DPY19L3: variants seen among roughly 807,000 people sequenced by gnomAD.
The protein encoded by DPY19L3 is dpy-19 like C-mannosyltransferase 3, also known as protein C-mannosyl-transferase DPY19L3.
A neutral mutation model predicts 92.3 loss-of-function variants in DPY19L3; 51 were observed. That is an observed-to-expected ratio of 0.55 (90% CI 0.44 to 0.70). The LOEUF (loss-of-function observed/expected upper bound fraction) is 0.70, where lower values mean the gene tolerates loss of function less well. Among genes scored for constraint, DPY19L3 ranks in the 30% least tolerant of loss-of-function variants. The probability of loss-of-function intolerance (pLI) is 0.00; values close to 1 mark genes in which losing one functional copy is unlikely to be tolerated. For missense variants in DPY19L3, 706 were observed against 855.9 expected, an observed-to-expected ratio of 0.82 and a Z score of 2.18; for synonymous variants, 309 against 315.2, an observed-to-expected ratio of 0.98 and a Z score of 0.21.
chr19:32,438,992 C>A (rs766989640), intron 6 of DPY19L3, 120 bp from the exon 7 acceptor site: 20 of 1,014,936 alleles, frequency 2.0e-5, no homozygotes, highest in Non-Finnish European at 2.8e-5. Flanking sequence ...TTATTGAGAA[C>A]CAGTGGCCAG....
In DPY19L3 at chr19:32,477,509, T is replaced by C; in HGVS notation, c.1698-13T>C. ...TTAACAGTGGGGTTAATTCAGACTCTAAAATCTTTCAGCTCTAACACTCCA... is the reference window on the plus strand; with the variant it reads ...TTAACAGTGGGGTTAATTCAGACTCCAAAATCTTTCAGCTCTAACACTCCA... On this transcript the variant is annotated splice_polypyrimidine_tract_variant and intron_variant, in intron 16 of 18. Transcript: ENST00000392250. The C allele has an allele frequency of 6.2e-7, 1 of 1,614,138 alleles. No individual in the cohort carries two copies. Among genetic ancestry groups the C allele is most frequent in the Non-Finnish European group, 8.5e-7 (1 of 1,180,004 alleles).
Position 32,408,198 on chromosome 19 carries a change from C to A in DPY19L3, c.-37-19C>A. 2 of 1,279,288 alleles carry A rather than the reference C, an allele frequency of 1.6e-6. No individual in the cohort carries two copies. Among genetic ancestry groups the A allele is most frequent in the Non-Finnish European group, 2.3e-6 (2 of 887,622 alleles). The allele number at this position is 1,279,288 out of a possible 1,614,324, so 79.2% of individuals were successfully genotyped here. A position where few individuals can be genotyped will look rare whatever the true frequency, so the allele number is the denominator to read the frequency against. The stretch of plus-strand genomic sequence containing the variant: ...GGGGAGAAGGCACTGACGTTGATGG[C>A]CTGTTTATTGCTATCTAGGAGTGAT... On this transcript the variant is annotated intron_variant, in intron 1 of 18. Coordinates refer to ENST00000392250, the MANE Select transcript of DPY19L3 (RefSeq NM_001172774.2).
intron 2 of DPY19L3, 31 bp from the exon 3 acceptor site, chr19:32,411,208 T>G (rs1202998659): frequency 5.7e-6 from 9 of 1,591,042 alleles, no homozygotes; most frequent in Non-Finnish European, 7.7e-6. Context: ...TTTACTGACT[T>G]AGTTATTTAT....
At chr19:32,451,502 G>A (rs1969698466) in intron 8 of DPY19L3, among the ~76,000 whole-genome samples, 1 of 152,194 alleles carries the variant, frequency 6.6e-6, no homozygotes, top group African/African-American at 2.4e-5. Flanking sequence ...ACTGCTGCAA[G>A]CCTCACTTTT....
chr19:32,426,569 ATAT>A (rs1968772293), intron 3 of DPY19L3, among the ~76,000 whole-genome samples: 1 of 152,098 alleles, frequency 6.6e-6, no homozygotes. Flanking sequence ...ATTAATTCCG[ATAT>A]TATTGTGTCT....
In DPY19L3 at chr19:32,476,736, C is replaced by T. The variant is rs796963882; in HGVS notation, c.1698-786C>T. Among the ~76,000 whole-genome samples, 20 of 152,116 alleles carry T rather than the reference C, an allele frequency of 1.3e-4. 1 individual carries two copies. The highest frequency in any genetic ancestry group is 4.3e-4 in the African/African-American group (18 of 41,506). On this transcript the variant is annotated intron_variant, in intron 16 of 18. Transcript: ENST00000392250. ...TTTGTGCCTTAGTATTAGGGTGCCC[C>T]GTGTTCCTTAAACTGCATATAGTTT...
At chr19:32,451,622 A>C (rs578046912) in intron 8 of DPY19L3, among the ~76,000 whole-genome samples, 5 of 152,228 alleles carry the variant, frequency 3.3e-5, no homozygotes, top group Non-Finnish European at 7.3e-5. Context: ...CAGAATGAGT[A>C]TGGCATTGTC....
Position 32,480,453 on chromosome 19 carries a change from T to C in DPY19L3, c.1885T>C (p.Ser629Pro). The change falls in exon 18 of 19, where the codon TCC becomes CCC. Residue 629 changes from serine (S) to proline (P), a missense_variant. Coordinates refer to ENST00000392250, the MANE Select transcript of DPY19L3 (RefSeq NM_001172774.2). ...APEEVHALLR[S>P]FGTDYVILED... ...AGAGGAAGTGCATGCCCTCCTAAGG[T>C]CCTTCGGCACTGACTACGTAATCCT... 1.2e-6 allele frequency: 2 copies of C among 1,614,150 alleles called. No homozygotes were observed. The highest frequency in any genetic ancestry group is 1.7e-6 in the Non-Finnish European group (2 of 1,180,018).
In DPY19L3 at chr19:32,408,326, A is replaced by G; in HGVS notation, c.73A>G (p.Asn25Asp). The change falls in exon 2 of 19, where the codon AAT (asparagine) becomes GAT (aspartate). Residue 25 changes from asparagine (N) to aspartate (D), a missense_variant. Asn to Asp is a conservative substitution (Grantham distance 23, BLOSUM62 1). Coordinates refer to ENST00000392250, the MANE Select transcript of DPY19L3 (RefSeq NM_001172774.2). ...TGAAGACTTTCCAGCCCAAGAAGAA[A>G]ATGTGAAGTTGGAAAATAAATTGCC... is the stretch of plus-strand genomic sequence containing the variant. ...VSEDFPAQEE[N>D]VKLENKLPSG... 1 of 1,613,864 alleles carries G rather than the reference A, an allele frequency of 6.2e-7. No individual in the cohort carries two copies. Among genetic ancestry groups the G allele is most frequent in the Admixed American group, 1.7e-5 (1 of 59,934 alleles).
At chr19:32,469,506 AAAAG>A (rs566870500) in intron 16 of DPY19L3, among the ~76,000 whole-genome samples, 49 of 152,106 alleles carry the variant, frequency 3.2e-4, no homozygotes, top group Middle Eastern at 3.4e-3. Flanking sequence ...AAAAAAAAAA[AAAAG>A]AAAGAAAAAA....
intron 8 of DPY19L3, among the ~76,000 whole-genome samples, chr19:32,447,773 A>ATAGATAGATAGATAGAT (rs1555721938): frequency 1.6e-5 from 2 of 123,272 alleles, no homozygotes; most frequent in Non-Finnish European, 3.4e-5. Flanking sequence ...AGATAGATAG[A>ATAGATAGATAGATAGAT]TAGATTAGAT....
At chr19:32,466,223 G>A (rs1218497043) in intron 15 of DPY19L3, among the ~76,000 whole-genome samples, 3 of 152,192 alleles carry the variant, frequency 2.0e-5, no homozygotes, top group Non-Finnish European at 4.4e-5. Flanking sequence ...GTCCTAGGGA[G>A]CATTGATTCT....
chr19:32,464,042 C>A, intron 14 of DPY19L3, 62 bp downstream of exon 14: 1 of 1,155,560 alleles, frequency 8.7e-7, no homozygotes, highest in Non-Finnish European at 1.2e-6. Context: ...CATACCACTT[C>A]TTTTTTTGTT....
Position 32,415,675 on chromosome 19 carries a change from A to G in DPY19L3, c.237+4303A>G, listed in dbSNP as rs529487202. Among the ~76,000 whole-genome samples the G allele has an allele frequency of 9.8e-5, 15 of 152,370 alleles. No individual in the cohort carries two copies. The South Asian group carries it at 2.5e-3, about 25-fold the overall frequency. ...GCAAAACTAAAGTCAGGAAACTGCT[A>G]AGATAATCCAATTCAGTGGATTCAG... is the stretch of plus-strand genomic sequence containing the variant. On this transcript the variant is annotated intron_variant, in intron 3 of 18. Transcript: ENST00000392250.
At chr19:32,423,973 A>G (rs554199876) in intron 3 of DPY19L3, among the ~76,000 whole-genome samples, 1 of 151,824 alleles carries the variant, frequency 6.6e-6, no homozygotes, top group Admixed American at 6.6e-5. Context: ...AGATTGTGCC[A>G]TTGGCCTCCA....
chr19:32,466,459 G>T (rs1227160625), intron 15 of DPY19L3, among the ~76,000 whole-genome samples: 1 of 152,214 alleles, frequency 6.6e-6, no homozygotes, highest in East Asian at 1.9e-4. Context: ...TTGCCGCTGG[G>T]GGCGGGGGCG....
chr19:32,480,249 G>A (rs1250513063), intron 17 of DPY19L3, 150 bp from the exon 18 acceptor site: 8 of 827,712 alleles, frequency 9.7e-6, no homozygotes, highest in Non-Finnish European at 1.3e-5. Context: ...CTCCAGGCCT[G>A]CAAATGAGCG....
At chr19:32,412,213 T>G in intron 3 of DPY19L3, 1 of 152,168 alleles carries the variant, frequency 6.6e-6, no homozygotes, top group East Asian at 1.9e-4. Context: ...ATTAACTTAT[T>G]CCATTTATTT....
chr19:32,485,885 A>G lies in DPY19L3; in HGVS notation c.*3645A>G, dbSNP rs111581328. The G allele has an allele frequency of 6.6e-6, 1 of 152,218 alleles. No homozygotes were observed. The highest frequency in any genetic ancestry group is 2.4e-5 in the African/African-American group (1 of 41,438). The allele number at this position is 152,218 out of a possible 1,614,324, so 9.4% of individuals were successfully genotyped here. A position where few individuals can be genotyped will look rare whatever the true frequency, so the allele number is the denominator to read the frequency against. Reference sequence around the variant, plus strand: ...TGTATACCAAGTAAAGCTCTTTTAAATTACATAAGATGAGTGTCTTGCATT... The same window carrying G: ...TGTATACCAAGTAAAGCTCTTTTAAGTTACATAAGATGAGTGTCTTGCATT... On this transcript the variant is annotated 3_prime_UTR_variant, in exon 19 of 19. Coordinates refer to ENST00000392250, the MANE Select transcript of DPY19L3 (RefSeq NM_001172774.2).
Sources: gnomAD v4.1 joint callset for allele counts (sites outside exome capture counted in the v4.1 genomes callset) on GRCh38, gnomAD v4.1.1 for gene constraint, MANE v1.5 for transcripts, NCBI Gene and HGNC (gene_info 2026-07-23, HGNC 2026-07-21) for gene names.